CACHD1: variants seen among roughly 807,000 people sequenced by gnomAD.
CACHD1 encodes cache domain containing 1, also known as VWFA and cache domain-containing protein 1.
Under a neutral mutation model 138.7 loss-of-function variants are expected in CACHD1, and 71 were observed. The ratio of observed to expected loss-of-function variants is 0.51; its 90% confidence interval spans 0.42 to 0.62. The LOEUF (loss-of-function observed/expected upper bound fraction) is 0.62. CACHD1 is among the 20% of genes least tolerant of loss of function. CACHD1 has a pLI of 0.00. For synonymous variants in CACHD1, 578 were observed against 591.5 expected (o/e 0.98, Z 0.33); for missense variants, 1,389 against 1,625.3 (o/e 0.85, Z 2.50).
chr1:64,539,352 A>G lies in CACHD1; in HGVS notation c.199-11242A>G, dbSNP rs533530114. ...TATTCATTTACCCATTCAAAAAAAT[A>G]TTTACTAAGTGCCTACCACATGCAT... On this transcript the variant is annotated intron_variant, in intron 1 of 26. Coordinates refer to ENST00000651257, the MANE Select transcript of CACHD1 (RefSeq NM_020925.4). Among the ~76,000 whole-genome samples, 6 of 152,294 alleles carry G rather than the reference A, an allele frequency of 3.9e-5. No individual in the cohort carries two copies. In the South Asian group the frequency reaches 1.2e-3, roughly 32 times the overall value.
intron 2 of CACHD1, among the ~76,000 whole-genome samples, chr1:64,568,918 T>TTTTG (rs774351434): frequency 2.0e-5 from 3 of 152,170 alleles, no homozygotes; most frequent in Non-Finnish European, 2.9e-5. Context: ...TTTTTGGTTT[T>TTTTG]TTTGTTTGTT....
At chr1:64,633,927 T>C in intron 6 of CACHD1, 117 bp from the exon 7 acceptor site, 1 of 707,400 alleles carries the variant, frequency 1.4e-6, no homozygotes, top group Non-Finnish European at 2.4e-6. Context: ...TTTGAAACTC[T>C]CAGAATCTGT....
chr1:64,479,672 C>T (rs1301117111), intron 1 of CACHD1, among the ~76,000 whole-genome samples: 1 of 152,152 alleles, frequency 6.6e-6, no homozygotes, highest in Non-Finnish European at 1.5e-5. Flanking sequence ...AAGCTACCAC[C>T]CTATGCGGTT....
At chr1:64,601,068 C>T (rs1451469256) in intron 3 of CACHD1, among the ~76,000 whole-genome samples, 1 of 152,078 alleles carries the variant, frequency 6.6e-6, no homozygotes, top group East Asian at 1.9e-4. Context: ...CTGGTCTAGA[C>T]CAGCAGTGGT....
intron 1 of CACHD1, among the ~76,000 whole-genome samples, chr1:64,537,897 A>C (rs1218572863): frequency 6.6e-6 from 1 of 152,218 alleles, no homozygotes; most frequent in African/African-American, 2.4e-5. Flanking sequence ...TAAGTGGCAA[A>C]GATTTTTTTT....
At chr1:64,600,926 A>G (rs1033698038) in intron 3 of CACHD1, among the ~76,000 whole-genome samples, 6 of 152,214 alleles carry the variant, frequency 3.9e-5, no homozygotes, top group African/African-American at 1.4e-4. Flanking sequence ...CTAAGACGAA[A>G]TAAAATAGAA....
chr1:64,471,435 C>G (rs569995872), intron 1 of CACHD1, among the ~76,000 whole-genome samples: 31 of 152,314 alleles, frequency 2.0e-4, no homozygotes, highest in African/African-American at 7.5e-4. Flanking sequence ...TCCTCCCTAC[C>G]GAGGCGCACC....
intron 3 of CACHD1, among the ~76,000 whole-genome samples, chr1:64,583,948 G>A (rs111380028): frequency 1.3e-5 from 2 of 152,134 alleles, no homozygotes; most frequent in African/African-American, 4.8e-5. Flanking sequence ...ATTTAGGTGG[G>A]GACACAGCCA....
rs774800054 is a variant in CACHD1, at chr1:64,671,644, A to G, written c.2468A>G (p.Asp823Gly). The G allele has an allele frequency of 3.1e-6, 5 of 1,614,054 alleles. No homozygotes were observed. The highest frequency in any genetic ancestry group is 2.2e-5 in the East Asian group (1 of 44,874). The change falls in exon 17 of 27, where the codon GAC becomes GGC. Residue 823 changes from aspartate to glycine, a missense_variant. By Grantham distance (94) the Asp-to-Gly change is moderately conservative (BLOSUM62 -1). Coordinates refer to ENST00000651257, the MANE Select transcript of CACHD1 (RefSeq NM_020925.4). The part of the protein sequence containing the change: ...TLRYFYKVLM[D>G]LLPVCNQDGG... ...AGATACTTCTACAAAGTTCTGATGG[A>G]CCTATTACCTGTCTGTAACCAAGAT...
At chr1:64,669,712 T>G (rs1253491641) in intron 16 of CACHD1, among the ~76,000 whole-genome samples, 1 of 152,086 alleles carries the variant, frequency 6.6e-6, no homozygotes, top group Non-Finnish European at 1.5e-5. Flanking sequence ...TCCAGTATCA[T>G]TCTTTATGAG....
At chr1:64,634,380 A>C in intron 7 of CACHD1, 120 bp downstream of exon 7, 1 of 354,748 alleles carries the variant, frequency 2.8e-6, no homozygotes, top group African/African-American at 2.1e-5. Flanking sequence ...TTATGTATGT[A>C]TTTATTTATT....
At chr1:64,517,135 G>A (rs1248188825) in intron 1 of CACHD1, among the ~76,000 whole-genome samples, 1 of 152,192 alleles carries the variant, frequency 6.6e-6, no homozygotes, top group Non-Finnish European at 1.5e-5. Context: ...TATTGTTAGT[G>A]AATAAGTGAC....
At chr1:64,566,931 G>T (rs544299372) in intron 2 of CACHD1, among the ~76,000 whole-genome samples, 24 of 151,926 alleles carry the variant, frequency 1.6e-4, no homozygotes, top group Non-Finnish European at 2.4e-4. Context: ...ATTATTAGGG[G>T]TATGTATATG....
intron 1 of CACHD1, among the ~76,000 whole-genome samples, chr1:64,481,966 C>T (rs1002748660): frequency 2.6e-5 from 4 of 151,826 alleles, no homozygotes; most frequent in African/African-American, 7.3e-5. Flanking sequence ...ACAGAGAAGC[C>T]GTGAACCCAT....
chr1:64,537,246 C>T (rs1486726828), intron 1 of CACHD1, among the ~76,000 whole-genome samples: 2 of 135,100 alleles, frequency 1.5e-5, no homozygotes, highest in Non-Finnish European at 3.2e-5. Flanking sequence ...TCACCCAGTA[C>T]TTATGCTGCC....
chr1:64,502,077 C>G (rs928697925), intron 1 of CACHD1, among the ~76,000 whole-genome samples: 4 of 152,116 alleles, frequency 2.6e-5, no homozygotes, highest in African/African-American at 9.7e-5. Flanking sequence ...TGGATGTTTT[C>G]CCAGTTGTTG....
At chr1:64,515,687 G>C (rs1427374961) in intron 1 of CACHD1, among the ~76,000 whole-genome samples, 1 of 152,170 alleles carries the variant, frequency 6.6e-6, no homozygotes, top group African/African-American at 2.4e-5. Context: ...CTAGCTGCCT[G>C]GGAGAGAGGG....
intron 24 of CACHD1, among the ~76,000 whole-genome samples, chr1:64,680,768 C>G (rs1650148565): frequency 1.3e-5 from 2 of 152,140 alleles, no homozygotes; most frequent in Non-Finnish European, 2.9e-5. Flanking sequence ...TCACTATGGC[C>G]ACAAGCCTGA....
intron 13 of CACHD1, 96 bp downstream of exon 13, chr1:64,658,969 C>G: frequency 1.9e-6 from 2 of 1,060,398 alleles, no homozygotes; most frequent in Admixed American, 3.1e-5. Context: ...AAAAAAGATA[C>G]TGAATGCCTG....
Sources: gnomAD v4.1 joint callset for allele counts (sites outside exome capture counted in the v4.1 genomes callset) on GRCh38, gnomAD v4.1.1 for gene constraint, MANE v1.5 for transcripts, NCBI Gene and HGNC (gene_info 2026-07-23, HGNC 2026-07-21) for gene names.